Variants in DLC1 observed in about 807,000 individuals in gnomAD.
DLC1 encodes the protein DLC1 Rho GTPase activating protein.
A neutral mutation model predicts 140.3 loss-of-function variants in DLC1; 54 were observed. The ratio of observed to expected loss-of-function variants is 0.38; its 90% confidence interval spans 0.31 to 0.48. The LOEUF is 0.48. DLC1 is among the 20% of genes least tolerant of loss of function. The pLI, the probability that DLC1 is intolerant of heterozygous loss-of-function variation, is 0.96. For missense variants in DLC1, 2,536 were observed against 1,907.0 expected (o/e 1.33, Z -6.14); for synonymous variants, 986 against 728.1 (o/e 1.35, Z -5.70).
At chr8:13,188,080 ATTT>A (rs34182663) in intron 5 of DLC1, among the ~76,000 whole-genome samples, 13,199 of 119,004 alleles carry the variant, frequency 0.11, 578 homozygotes, top group South Asian at 0.19. Flanking sequence ...AACAGTGGCA[ATTT>A]TTTTTTTTTT....
intron 5 of DLC1, among the ~76,000 whole-genome samples, chr8:13,136,359 A>C (rs185402113): frequency 6.6e-6 from 1 of 151,932 alleles, no homozygotes; most frequent in South Asian, 2.1e-4. Flanking sequence ...AGTAGTTCCC[A>C]GTGTGTCTTG....
intron 1 of DLC1, among the ~76,000 whole-genome samples, chr8:13,529,649 A>G (rs958038996): frequency 2.6e-5 from 4 of 152,202 alleles, no homozygotes; most frequent in African/African-American, 9.6e-5. Context: ...TAAGAAAGTC[A>G]TTCCTTGCAA....
chr8:13,546,770 A>G (rs1465424507), intron 1 of DLC1, among the ~76,000 whole-genome samples: 1 of 152,122 alleles, frequency 6.6e-6, no homozygotes, highest in Non-Finnish European at 1.5e-5. Context: ...CTGGAATATT[A>G]TATCCCAGAT....
At chr8:13,413,283 A>C (rs1310826676) in intron 2 of DLC1, among the ~76,000 whole-genome samples, 2 of 20,152 alleles carry the variant, frequency 9.9e-5, no homozygotes, top group African/African-American at 3.2e-4. Flanking sequence ...TTTTTAGCTC[A>C]TCAACTATCG....
chr8:13,196,286 C>T (rs1197229881), intron 5 of DLC1, among the ~76,000 whole-genome samples: 1 of 152,158 alleles, frequency 6.6e-6, no homozygotes, highest in African/African-American at 2.4e-5. Context: ...AAAATGTTCT[C>T]ATTTGTTAAT....
chr8:13,531,587 A>G (rs1173263579), intron 1 of DLC1, among the ~76,000 whole-genome samples: 9 of 150,550 alleles, frequency 6.0e-5, no homozygotes, highest in Non-Finnish European at 1.3e-4. Context: ...CTGTCTAAAA[A>G]CAAACAAACC....
At chr8:13,111,603 A>C (rs542026402) in intron 6 of DLC1, among the ~76,000 whole-genome samples, 24 of 152,304 alleles carry the variant, frequency 1.6e-4, no homozygotes, top group African/African-American at 5.3e-4. Flanking sequence ...TGGTAAGTAA[A>C]TATACCCAAG....
chr8:13,187,776 A>T (rs1452245395), intron 5 of DLC1, among the ~76,000 whole-genome samples: 2 of 152,150 alleles, frequency 1.3e-5, no homozygotes, highest in Non-Finnish European at 2.9e-5. Flanking sequence ...CACCACTAAC[A>T]TTTGTGGGAT....
chr8:13,218,476 A>C (rs1249237229), intron 5 of DLC1, among the ~76,000 whole-genome samples: 3 of 152,224 alleles, frequency 2.0e-5, no homozygotes, highest in Non-Finnish European at 4.4e-5. Context: ...TTTACAAATC[A>C]GTAGACATTT....
intron 5 of DLC1, among the ~76,000 whole-genome samples, chr8:13,202,988 A>T (rs967052610): frequency 2.0e-5 from 3 of 152,072 alleles, no homozygotes; most frequent in Non-Finnish European, 4.4e-5. Flanking sequence ...AACACATCTT[A>T]TTTCCTTTCT....
At chr8:13,335,999 A>G (rs993880048) in intron 4 of DLC1, among the ~76,000 whole-genome samples, 1 of 152,110 alleles carries the variant, frequency 6.6e-6, no homozygotes, top group Non-Finnish European at 1.5e-5. Flanking sequence ...TGAAGGTACT[A>G]TTTATTATAT....
chr8:13,099,987 G>C lies in DLC1; in HGVS notation c.2350C>G (p.Gln784Glu). 1 of 1,612,452 alleles carries C rather than the reference G, an allele frequency of 6.2e-7. No homozygotes were observed. Among genetic ancestry groups the C allele is most frequent in the Non-Finnish European group, 8.5e-7 (1 of 1,180,036 alleles). Residue 784 changes from glutamine (Q) to glutamate (E), a missense_variant, in exon 9 of 18, where the codon CAG (glutamine) becomes GAG (glutamate). Gln to Glu is a conservative substitution (Grantham distance 29). Transcript: ENST00000276297. ...MYLEGFDPFN[Q>E]STFNNVVEQN... is the part of the protein sequence containing the mutation. Reference sequence around the variant, plus strand: ...TCCACCACGTTGTTAAATGTTGACTGATTGAAAGGATCGAAGCCCTCTAAG... The same window carrying C: ...TCCACCACGTTGTTAAATGTTGACTCATTGAAAGGATCGAAGCCCTCTAAG...
chr8:13,197,269 T>C (rs2410038), intron 5 of DLC1, among the ~76,000 whole-genome samples: 58,356 of 152,122 alleles, frequency 0.38, 12,828 homozygotes, highest in East Asian at 0.84. Context: ...TTGTTAATAG[T>C]AGCTCTCCTA....
chr8:13,522,122 G>T (rs773156352), intron 1 of DLC1, among the ~76,000 whole-genome samples: 1 of 152,118 alleles, frequency 6.6e-6, no homozygotes, highest in Non-Finnish European at 1.5e-5. Flanking sequence ...CGCTCCAAAA[G>T]GTGGGATGAG....
At chr8:13,600,866 G>A (rs1425745663) in intron 1 of DLC1, among the ~76,000 whole-genome samples, 1 of 151,586 alleles carries the variant, frequency 6.6e-6, no homozygotes, top group Non-Finnish European at 1.5e-5. Flanking sequence ...TTGCCTATTG[G>A]TAATGTACAG....
At chr8:13,603,547 A>C (rs1018876681) in intron 1 of DLC1, among the ~76,000 whole-genome samples, 5 of 152,032 alleles carry the variant, frequency 3.3e-5, no homozygotes, top group Admixed American at 6.6e-5. Flanking sequence ...TCAATATAAC[A>C]AAAAAGGTGC....
In DLC1 at chr8:13,582,076, C is replaced by G. The variant is rs150132801; in HGVS notation, c.-126+22461G>C. On this transcript the variant is annotated intron_variant, in intron 1 of 1. Transcript: ENST00000631382. ...GGAGAAAAAACAAAGTCCACTCTCCCTAGAGAATAATAAATTCATCTCTTA... is the reference window on the plus strand; with the variant it reads ...GGAGAAAAAACAAAGTCCACTCTCCGTAGAGAATAATAAATTCATCTCTTA... Among the ~76,000 whole-genome samples the G allele has an allele frequency of 5.4e-3, 817 of 152,210 alleles. 12 individuals are homozygous for G. Among genetic ancestry groups the G allele is most frequent in the Non-Finnish European group, 7.0e-3 (477 of 68,024 alleles).
intron 3 of DLC1, among the ~76,000 whole-genome samples, chr8:13,397,595 G>T (rs940743090): frequency 6.6e-6 from 1 of 151,970 alleles, no homozygotes; most frequent in Admixed American, 6.6e-5. Flanking sequence ...TTGGGAGGCC[G>T]AGGTGGGAAG....
At chr8:13,095,490 A>G in intron 10 of DLC1, 1 of 514,958 alleles carries the variant, frequency 1.9e-6, no homozygotes, top group Non-Finnish European at 3.5e-6. Context: ...GAACATTCCT[A>G]TCATCCAGAC....
Sources: allele counts gnomAD v4.1 joint callset (sites outside exome capture counted in the v4.1 genomes callset), GRCh38; gene constraint gnomAD v4.1.1; transcripts MANE v1.5; gene names NCBI Gene and HGNC (gene_info 2026-07-23, HGNC 2026-07-21).